SPOCK1: variants seen among roughly 807,000 people sequenced by gnomAD.
SPOCK1 encodes the protein testican-1.
Under a neutral mutation model 55.3 loss-of-function variants are expected in SPOCK1, and 23 were observed. The ratio of observed to expected loss-of-function variants is 0.42; its 90% CI spans 0.30 to 0.59. The LOEUF (loss-of-function observed/expected upper bound fraction) is 0.59, where lower values mean the gene tolerates loss of function less well. SPOCK1 is among the 20% of genes least tolerant of loss of function. The probability of loss-of-function intolerance (pLI) is 0.22; values close to 1 mark genes in which losing one functional copy is unlikely to be tolerated. For synonymous variants in SPOCK1, 226 were observed against 221.0 expected, an observed-to-expected ratio of 1.02 and a Z score of -0.20; for missense variants, 499 against 552.5, an observed-to-expected ratio of 0.90 and a Z score of 0.97.
chr5:137,352,408 G>A (rs545723105), intron 2 of SPOCK1, among the ~76,000 whole-genome samples: 42 of 152,338 alleles, frequency 2.8e-4, no homozygotes, highest in African/African-American at 1.0e-3. Context: ...TCACCTCAAG[G>A]TGGTTATAAC....
At position 136,999,554 on chromosome 5, in the gene SPOCK1, G is replaced by A. The variant is rs146701737; in HGVS notation, c.590-6954C>T. Among the ~76,000 whole-genome samples, 884 of 152,260 alleles carry A rather than the reference G, an allele frequency of 5.8e-3. 6 individuals are homozygous for A. Among genetic ancestry groups the A allele is most frequent in the Non-Finnish European group, 9.6e-3 (654 of 68,022 alleles). On this transcript the variant is annotated intron_variant, in intron 6 of 10. Coordinates refer to ENST00000394945, the MANE Select transcript of SPOCK1 (RefSeq NM_004598.4). ...CCAAAGGCTATAACTGGTGTTCCAC[G>A]CTGGTCTCAGCTCATTGATGACTTC...
At chr5:137,078,300 C>T (rs1232090644) in intron 5 of SPOCK1, among the ~76,000 whole-genome samples, 1 of 152,130 alleles carries the variant, frequency 6.6e-6, no homozygotes, top group East Asian at 1.9e-4. Flanking sequence ...CTATAAATGC[C>T]CTCGAGATGC....
At chr5:137,494,794 A>G (rs1754264999) in intron 2 of SPOCK1, among the ~76,000 whole-genome samples, 1 of 152,236 alleles carries the variant, frequency 6.6e-6, no homozygotes, top group African/African-American at 2.4e-5. Context: ...GTAGATAAAT[A>G]TTTGTTGGAA....
intron 2 of SPOCK1, among the ~76,000 whole-genome samples, chr5:137,288,458 A>G (rs1458409800): frequency 1.3e-5 from 2 of 152,318 alleles, no homozygotes; most frequent in East Asian, 3.9e-4. Context: ...CTATCTTCCC[A>G]GGCACAGCCA....
At chr5:137,404,259 GA>G (rs1752046503) in intron 2 of SPOCK1, among the ~76,000 whole-genome samples, 1 of 152,218 alleles carries the variant, frequency 6.6e-6, no homozygotes, top group Admixed American at 6.5e-5. Flanking sequence ...CAGCTGCTAC[GA>G]CAGCCAACTG....
At chr5:137,352,527 T>C (rs1310233643) in intron 2 of SPOCK1, among the ~76,000 whole-genome samples, 1 of 152,186 alleles carries the variant, frequency 6.6e-6, no homozygotes, top group Non-Finnish European at 1.5e-5. Flanking sequence ...TGTCCTTCCC[T>C]GGAAGGATTA....
intron 2 of SPOCK1, among the ~76,000 whole-genome samples, chr5:137,287,070 G>T (rs990465728): frequency 6.6e-6 from 1 of 152,112 alleles, no homozygotes; most frequent in Non-Finnish European, 1.5e-5. Context: ...AAAATAGGTG[G>T]CACCCAGGGT....
intron 3 of SPOCK1, among the ~76,000 whole-genome samples, chr5:137,242,031 T>G (rs190791638): frequency 1.3e-5 from 2 of 152,192 alleles, no homozygotes. Context: ...CAAAGACTCA[T>G]TAACAGAGGA....
At chr5:137,159,420 C>A (rs758580256) in intron 3 of SPOCK1, among the ~76,000 whole-genome samples, 7 of 152,266 alleles carry the variant, frequency 4.6e-5, no homozygotes, top group Admixed American at 2.0e-4. Flanking sequence ...ACACCCATCA[C>A]CTGAGTAGCA....
rs116931665 is a variant in SPOCK1 at position 137,305,443 on chromosome 5, T to C, written c.187-38388A>G. The stretch of plus-strand genomic sequence containing the variant: ...TCATTTCCAAAGGTGGTCACATTCA[T>C]AGATGCCAGAGGTTAAGACTTATTC... On this transcript the variant is annotated intron_variant, in intron 2 of 10. Transcript: ENST00000394945. Among the ~76,000 whole-genome samples the C allele has an allele frequency of 1.5e-3, 229 of 152,290 alleles. 1 individual carries two copies. The highest frequency in any genetic ancestry group is 0.012 in the East Asian group (61 of 5,174).
intron 6 of SPOCK1, among the ~76,000 whole-genome samples, chr5:137,035,043 G>A (rs547455356): frequency 3.0e-4 from 45 of 152,330 alleles, no homozygotes; most frequent in African/African-American, 1.1e-3. Flanking sequence ...TCCATCAGAT[G>A]CATGCCTTCC....
intron 4 of SPOCK1, among the ~76,000 whole-genome samples, chr5:137,129,577 G>T (rs970196600): frequency 6.6e-6 from 1 of 152,092 alleles, no homozygotes; most frequent in Admixed American, 6.6e-5. Context: ...TGTGAAAAAG[G>T]GTCCTCATGT....
intron 2 of SPOCK1, among the ~76,000 whole-genome samples, chr5:137,487,774 T>A (rs1754091807): frequency 6.6e-6 from 1 of 152,162 alleles, no homozygotes; most frequent in Admixed American, 6.5e-5. Flanking sequence ...CCCTGGGCCC[T>A]GGCAGCCAAT....
intron 3 of SPOCK1, among the ~76,000 whole-genome samples, chr5:137,160,335 ATATAT>A (rs199576453): frequency 0.16 from 21,323 of 130,766 alleles, 2,435 homozygotes; most frequent in East Asian, 0.36. Flanking sequence ...TATATATTAT[ATATAT>A]TATATTATAT....
chr5:137,390,329 A>AC (rs920815921), intron 2 of SPOCK1, among the ~76,000 whole-genome samples: 3 of 152,040 alleles, frequency 2.0e-5, no homozygotes, highest in African/African-American at 7.2e-5. Context: ...TAATGCAATG[A>AC]CCCCTGGGAC....
intron 2 of SPOCK1, among the ~76,000 whole-genome samples, chr5:137,474,390 C>T (rs1369670562): frequency 6.6e-6 from 1 of 151,952 alleles, no homozygotes; most frequent in Non-Finnish European, 1.5e-5. Context: ...AAATAAAGAG[C>T]CTATTTTATG....
intron 2 of SPOCK1, among the ~76,000 whole-genome samples, chr5:137,386,953 C>T (rs563979900): frequency 1.3e-5 from 2 of 152,226 alleles, no homozygotes; most frequent in African/African-American, 4.8e-5. Context: ...ACTCTTAAAA[C>T]TCAACAATAA....
chr5:137,441,657 G>A (rs1350773461), intron 2 of SPOCK1, among the ~76,000 whole-genome samples: 1 of 152,134 alleles, frequency 6.6e-6, no homozygotes, highest in Non-Finnish European at 1.5e-5. Context: ...AAGGCTGGCA[G>A]CTGTGTCTTA....
At chr5:137,306,843 A>AT (rs944217366) in intron 2 of SPOCK1, among the ~76,000 whole-genome samples, 3 of 151,990 alleles carry the variant, frequency 2.0e-5, no homozygotes, top group Non-Finnish European at 4.4e-5. Flanking sequence ...TTCTGTGGGG[A>AT]TTTTTTATAA....
Sources: gnomAD v4.1 joint callset for allele counts (sites outside exome capture counted in the v4.1 genomes callset) on GRCh38, gnomAD v4.1.1 for gene constraint, MANE v1.5 for transcripts, NCBI Gene and HGNC (gene_info 2026-07-23, HGNC 2026-07-21) for gene names.